Variants in PAPPA observed in about 807,000 individuals in gnomAD.
The protein encoded by PAPPA is pappalysin-1.
Under a neutral mutation model 164.0 loss-of-function variants are expected in PAPPA, and 60 were observed. The observed-to-expected ratio is 0.37, with a 90% confidence interval of 0.30 to 0.45. The LOEUF (loss-of-function observed/expected upper bound fraction) is 0.45, where lower values mean the gene tolerates loss of function less well. PAPPA is among the 20% of genes least tolerant of loss of function. The pLI, the probability that PAPPA is intolerant of heterozygous loss-of-function variation, is 1.00. For synonymous variants in PAPPA, 875 were observed against 814.1 expected, an observed-to-expected ratio of 1.07 and a Z score of -1.27; for missense variants, 1,782 against 2,087.3, an observed-to-expected ratio of 0.85 and a Z score of 2.85.
At chr9:116,261,605 T>C (rs762056086) in intron 7 of PAPPA, among the ~76,000 whole-genome samples, 1 of 152,224 alleles carries the variant, frequency 6.6e-6, no homozygotes, top group Non-Finnish European at 1.5e-5. Context: ...ATTTATGCAT[T>C]TTAAATGCAT....
At chr9:116,289,346 G>GCCATATATATGCCATATATATC (rs1564212401) in intron 9 of PAPPA, among the ~76,000 whole-genome samples, 1 of 104,820 alleles carries the variant, frequency 9.5e-6, no homozygotes, top group Non-Finnish European at 2.0e-5. Flanking sequence ...GCATATATAT[G>GCCATATATATGCCATATATATC]GCATATATAT....
At chr9:116,294,330 C>T (rs1386705373) in intron 9 of PAPPA, among the ~76,000 whole-genome samples, 2 of 152,166 alleles carry the variant, frequency 1.3e-5, no homozygotes, top group Non-Finnish European at 2.9e-5. Context: ...TTCAGGTCTC[C>T]TTCAGTAGAC....
chr9:116,398,496 A>AG lies in PAPPA; in HGVS notation c.*1881dup. On this transcript the variant is annotated 3_prime_UTR_variant, in exon 22 of 22. Coordinates refer to ENST00000328252, the MANE Select transcript of PAPPA (RefSeq NM_002581.5). The stretch of plus-strand genomic sequence containing the variant: ...ATAGCACTTAAAAAAAAAAAAAAAA[A>AG]GAGACCAAAAATAACTTTAGGAACC... 1 of 1,124,640 alleles carries AG rather than the reference A, an allele frequency of 8.9e-7. No homozygotes were observed. The highest frequency in any genetic ancestry group is 1.1e-6 in the Non-Finnish European group (1 of 875,022). 69.7% of individuals were successfully genotyped at this position (1,124,640 alleles called of 1,614,324 possible).
At chr9:116,212,427 A>G (rs1844319869) in intron 4 of PAPPA, among the ~76,000 whole-genome samples, 1 of 152,196 alleles carries the variant, frequency 6.6e-6, no homozygotes, top group South Asian at 2.1e-4. Flanking sequence ...CATGGGATAC[A>G]TCAAGGCCTT....
At position 116,230,767 on chromosome 9, in the gene PAPPA, C is replaced by T. The variant is rs546884676; in HGVS notation, c.2233+3215C>T. On this transcript the variant is annotated intron_variant, in intron 6 of 21. Coordinates refer to ENST00000328252, the MANE Select transcript of PAPPA (RefSeq NM_002581.5). ...TACCCCTTGAGCAAAAACTGTATTT[C>T]ATACATGAATATTTTTGAGATATTT... Among the ~76,000 whole-genome samples the T allele has an allele frequency of 5.9e-5, 9 of 152,228 alleles. No individual in the cohort carries two copies. In the East Asian group the frequency reaches 1.7e-3, roughly 29 times the overall value.
At chr9:116,327,694 C>A (rs1374572780) in intron 10 of PAPPA, among the ~76,000 whole-genome samples, 2 of 152,158 alleles carry the variant, frequency 1.3e-5, no homozygotes, top group Non-Finnish European at 2.9e-5. Flanking sequence ...ATGGGCAAGG[C>A]TCTTTTGTTT....
intron 18 of PAPPA, among the ~76,000 whole-genome samples, chr9:116,367,263 C>A (rs987247684): frequency 1.3e-5 from 2 of 152,150 alleles, no homozygotes; most frequent in Non-Finnish European, 2.9e-5. Flanking sequence ...CCGGTTGAAC[C>A]AACCAAAGAG....
chr9:116,330,254 C>G (rs987370757), intron 10 of PAPPA, among the ~76,000 whole-genome samples: 2 of 152,138 alleles, frequency 1.3e-5, no homozygotes, highest in African/African-American at 4.8e-5. Flanking sequence ...TACCAAAGAC[C>G]TCACCGATTT....
In PAPPA at chr9:116,154,320, C is replaced by A; in HGVS notation, c.148C>A (p.Arg50=). 1.1e-6 allele frequency: 1 copy of A among 881,132 alleles called. No homozygotes were observed. Among genetic ancestry groups the A allele is most frequent in the Non-Finnish European group, 1.4e-6 (1 of 738,712 alleles). 54.6% of individuals were successfully genotyped at this position (881,132 alleles called of 1,614,324 possible). A position where few individuals can be genotyped will look rare whatever the true frequency, so the allele number is the denominator to read the frequency against. Residue 50 remains arginine (R), a synonymous_variant, in exon 1 of 22, where the codon CGG becomes AGG. Transcript: ENST00000328252. This position sits in a 1 kb window ranked among gnomAD's most constrained non-coding sequence, Gnocchi z 5.2. The stretch of plus-strand genomic sequence containing the variant: ...CGCCGGCCCGGCCACCTGCGCCACC[C>A]GGGCGGCCCGCGGCCGCCGCGCCTC... The part of the protein sequence containing the change: ...PAAGPATCAT[R]AARGRRASPP...
intron 20 of PAPPA, among the ~76,000 whole-genome samples, chr9:116,380,293 A>AATGG (rs34595210): frequency 0.38 from 56,945 of 151,538 alleles, 11,129 homozygotes; most frequent in Middle Eastern, 0.44. Context: ...AGGATAAATG[A>AATGG]ATGGATGGAT....
At chr9:116,217,571 G>A (rs1178049698) in intron 4 of PAPPA, among the ~76,000 whole-genome samples, 1 of 152,104 alleles carries the variant, frequency 6.6e-6, no homozygotes, top group Non-Finnish European at 1.5e-5. Flanking sequence ...TTAGATCAAA[G>A]AGAATGCATA....
intron 7 of PAPPA, among the ~76,000 whole-genome samples, chr9:116,235,867 G>A (rs943806556): frequency 1.3e-5 from 2 of 152,210 alleles, no homozygotes; most frequent in South Asian, 4.1e-4. Context: ...AATCTGATGT[G>A]TGACCTTAAG....
chr9:116,364,645 A>T (rs1171212597), intron 18 of PAPPA, among the ~76,000 whole-genome samples: 1 of 152,192 alleles, frequency 6.6e-6, no homozygotes, highest in African/African-American at 2.4e-5. Flanking sequence ...AGAAAGACGC[A>T]CAAAAGGCAA....
intron 2 of PAPPA, among the ~76,000 whole-genome samples, chr9:116,190,486 A>G (rs747634730): frequency 2.0e-5 from 3 of 152,220 alleles, no homozygotes; most frequent in Non-Finnish European, 4.4e-5. Context: ...ATAAATGGAT[A>G]GCTTGGATTC....
chr9:116,346,742 A>G (rs149935825), intron 14 of PAPPA, among the ~76,000 whole-genome samples: 5 of 152,338 alleles, frequency 3.3e-5, no homozygotes, highest in African/African-American at 9.6e-5. Context: ...ACAGCAGTTA[A>G]GAGCATAGCC....
At chr9:116,265,724 G>A in intron 7 of PAPPA, 133 bp from the exon 8 acceptor site, 6 of 653,530 alleles carry the variant, frequency 9.2e-6, no homozygotes, top group African/African-American at 1.8e-5. Context: ...GAAAGTATTG[G>A]ATAGCTAAAT....
chr9:116,262,679 G>A (rs1364820501), intron 7 of PAPPA, among the ~76,000 whole-genome samples: 1 of 152,180 alleles, frequency 6.6e-6, no homozygotes, highest in Non-Finnish European at 1.5e-5. Context: ...GAAACTCCTG[G>A]GTGGGGAGAA....
intron 5 of PAPPA, among the ~76,000 whole-genome samples, chr9:116,224,346 GA>G (rs1485053181): frequency 6.6e-6 from 1 of 152,198 alleles, no homozygotes; most frequent in Admixed American, 6.5e-5. Context: ...GTACTGGACT[GA>G]AAACCAAGAA....
intron 13 of PAPPA, among the ~76,000 whole-genome samples, chr9:116,343,918 G>A (rs796457853): frequency 6.6e-5 from 10 of 151,836 alleles, no homozygotes; most frequent in Non-Finnish European, 1.0e-4. Flanking sequence ...CTGCCACCAC[G>A]CCCAGCTAAT....
Sources: gnomAD v4.1 joint callset for allele counts (sites outside exome capture counted in the v4.1 genomes callset) on GRCh38, gnomAD v4.1.1 for gene constraint, Gnocchi (gnomAD v3.1) non-coding constraint, MANE v1.5 for transcripts, NCBI Gene and HGNC (gene_info 2026-07-23, HGNC 2026-07-21) for gene names.